RYR3: variants seen among roughly 807,000 people sequenced by gnomAD.
The protein encoded by RYR3 is brain ryanodine receptor-calcium release channel.
RYR3 carries 207 observed loss-of-function variants against 584.3 expected under a neutral mutation model. The ratio of observed to expected loss-of-function variants is 0.35; its 90% CI spans 0.32 to 0.40. RYR3 has a LOEUF of 0.40. RYR3 is among the 10% of genes least tolerant of loss of function. RYR3 has a pLI of 1.00. For missense variants in RYR3, 5,616 were observed against 6,089.2 expected (o/e 0.92, Z 2.59); for synonymous variants, 2,416 against 2,248.5 (o/e 1.07, Z -2.11).
chr15:33,531,327 T>A (rs943729157), intron 4 of RYR3, among the ~76,000 whole-genome samples: 1 of 151,944 alleles, frequency 6.6e-6, no homozygotes, highest in African/African-American at 2.4e-5. Context: ...TATTTATAAT[T>A]TATAAAAAAA....
At chr15:33,382,319 CTTTTTT>C (rs34767570) in intron 1 of RYR3, among the ~76,000 whole-genome samples, 12,308 of 104,728 alleles carry the variant, frequency 0.12, 506 homozygotes, top group Middle Eastern at 0.19. Context: ...TTAAAAGTGG[CTTTTTT>C]TTTTTTTTTT....
intron 32 of RYR3, among the ~76,000 whole-genome samples, chr15:33,653,986 A>T (rs2062662151): frequency 6.6e-6 from 1 of 152,182 alleles, no homozygotes; most frequent in Non-Finnish European, 1.5e-5. Context: ...TTTTAATTTT[A>T]AGAATCAATA....
intron 46 of RYR3, 88 bp from the exon 47 acceptor site, chr15:33,728,769 A>G (rs1225772049): frequency 6.2e-6 from 8 of 1,282,540 alleles, no homozygotes; most frequent in Non-Finnish European, 8.4e-6. Context: ...TTATAGGGAG[A>G]ATAAGCTATA....
At chr15:33,734,012 G>GT (rs1402983555) in intron 48 of RYR3, among the ~76,000 whole-genome samples, 6 of 152,166 alleles carry the variant, frequency 3.9e-5, no homozygotes, top group African/African-American at 1.4e-4. Flanking sequence ...AAATTAAGCT[G>GT]TATCTACTGT....
chr15:33,553,814 C>G (rs1344158105), intron 10 of RYR3, among the ~76,000 whole-genome samples: 1 of 152,158 alleles, frequency 6.6e-6, no homozygotes, highest in Non-Finnish European at 1.5e-5. Flanking sequence ...TCTGTGAGAC[C>G]TGGAACACAA....
At chr15:33,667,795 G>A (rs1344856728) in intron 36 of RYR3, among the ~76,000 whole-genome samples, 1 of 152,118 alleles carries the variant, frequency 6.6e-6, no homozygotes, top group African/African-American at 2.4e-5. Flanking sequence ...CCGGCGCGGT[G>A]GCTCATGCCT....
Position 33,707,020 on chromosome 15 carries a change from C to T in RYR3, c.6585C>T (p.Tyr2195=), listed in dbSNP as rs1203695632. The change falls in exon 43 of 104, where the codon TAC becomes TAT. Residue 2195 remains tyrosine, a synonymous_variant. Transcript: ENST00000634891. ...GGAACCCCATTGAAGGGGAACGCTA[C>T]CTGTCCTTCCTGAGGTTTGCTGTCT... ...VGWNPIEGER[Y]LSFLRFAVFV... is the part of the protein sequence containing the mutation. 6.2e-7 allele frequency: 1 copy of T among 1,613,882 alleles called. No individual in the cohort carries two copies. The highest frequency in any genetic ancestry group is 1.3e-5 in the African/African-American group (1 of 74,932).
chr15:33,813,021 G>A, intron 73 of RYR3, 27 bp downstream of exon 73: 1 of 1,613,526 alleles, frequency 6.2e-7, no homozygotes, highest in Non-Finnish European at 8.5e-7. Context: ...CTGAGGAATG[G>A]GGAAGCAGAA....
At chr15:33,722,497 G>A (rs1375276889) in intron 43 of RYR3, 1 of 556,614 alleles carries the variant, frequency 1.8e-6, no homozygotes, top group Non-Finnish European at 3.1e-6. Flanking sequence ...GATGAGGCTG[G>A]TTCAAGTGCA....
intron 99 of RYR3, chr15:33,859,217 G>T (rs1567349159): frequency 5.0e-6 from 1 of 200,566 alleles, no homozygotes; most frequent in East Asian, 1.2e-4. Context: ...GCAGTTTATA[G>T]CACAGCCTGA....
chr15:33,379,284 A>G (rs999906800), intron 1 of RYR3, among the ~76,000 whole-genome samples: 2 of 152,230 alleles, frequency 1.3e-5, no homozygotes, highest in Non-Finnish European at 2.9e-5. Flanking sequence ...AAAAAAGAAT[A>G]GAAGCGACAC....
chr15:33,614,672 T>G (rs2060362218), intron 19 of RYR3, among the ~76,000 whole-genome samples: 1 of 152,124 alleles, frequency 6.6e-6, no homozygotes, highest in Admixed American at 6.5e-5. Context: ...TGACTTTATA[T>G]AGTATATGTA....
rs374701627 is a variant in RYR3, at chr15:33,821,529, T to C, written c.10922T>C (p.Met3641Thr). ...LQMISASKGE[M>T]SPMVVETLKL... Reference sequence around the variant, plus strand: ...CGAATCTTCACCATGGCAGGTGAGATGAGCCCCATGGTGGTTGAGACGCTG... The same window carrying C: ...CGAATCTTCACCATGGCAGGTGAGACGAGCCCCATGGTGGTTGAGACGCTG... Residue 3641 changes from methionine (M) to threonine (T), a missense_variant, in exon 80 of 104, where the codon ATG becomes ACG. This residue lies in a region of RYR3 where 954 missense variants were observed against 1,132.2 expected (regional missense o/e 0.84). Transcript: ENST00000634891. 4.3e-6 allele frequency: 7 copies of C among 1,612,918 alleles called. No individual in the cohort carries two copies. Among genetic ancestry groups the C allele is most frequent in the Middle Eastern group, 1.6e-4 (1 of 6,080 alleles).
At chr15:33,468,922 G>A (rs776539961) in intron 1 of RYR3, among the ~76,000 whole-genome samples, 1 of 152,172 alleles carries the variant, frequency 6.6e-6, no homozygotes, top group African/African-American at 2.4e-5. Context: ...GGCAAGTTAC[G>A]TAACTGCTCT....
chr15:33,584,248 G>A (rs10431811), intron 14 of RYR3, 147 bp from the exon 15 acceptor site: 240,624 of 532,896 alleles, frequency 0.45, 55,195 homozygotes, highest in East Asian at 0.57. Context: ...AAAAAAGAAA[G>A]AATTGTGTCA....
At chr15:33,563,182 G>A (rs2057505983) in intron 11 of RYR3, among the ~76,000 whole-genome samples, 172 bp downstream of exon 11, 1 of 152,108 alleles carries the variant, frequency 6.6e-6, no homozygotes, top group Non-Finnish European at 1.5e-5. Context: ...AGCCTAATTT[G>A]GATACTTTGA....
At chr15:33,690,037 T>G (rs2065301593) in intron 38 of RYR3, among the ~76,000 whole-genome samples, 1 of 152,234 alleles carries the variant, frequency 6.6e-6, no homozygotes, top group African/African-American at 2.4e-5. Flanking sequence ...ACTTGTGAAT[T>G]GGTGTACGTC....
In RYR3 at chr15:33,635,622, G is replaced by A. The variant is rs1363829956; in HGVS notation, c.3184G>A (p.Ala1062Thr). Residue 1062 changes from alanine (A) to threonine (T), a missense_variant, in exon 26 of 104, where the codon GCT becomes ACT. This residue lies in a region of RYR3 where 1,284 missense variants were observed against 1,344.6 expected (regional missense o/e 0.95). Coordinates refer to ENST00000634891, the MANE Select transcript of RYR3 (RefSeq NM_001036.6). ...CTTTCTTCTCACAATAGCTGACTCG[G>A]CTGTGGAGAAGGTCAGCATAGACAA... ...EPSDQELADS[A>T]VEKVSIDKIR... 6.2e-7 allele frequency: 1 copy of A among 1,613,418 alleles called. No individual in the cohort carries two copies. The highest frequency in any genetic ancestry group is 8.5e-7 in the Non-Finnish European group (1 of 1,179,600).
intron 36 of RYR3, among the ~76,000 whole-genome samples, chr15:33,665,309 G>T (rs1318040092): frequency 6.6e-6 from 1 of 152,160 alleles, no homozygotes; most frequent in Non-Finnish European, 1.5e-5. Context: ...GCAAAATGTG[G>T]ATAATTTTTG....
Sources: allele counts gnomAD v4.1 joint callset (sites outside exome capture counted in the v4.1 genomes callset), GRCh38; gene constraint gnomAD v4.1.1; regional missense constraint gnomAD v4.1.1; transcripts MANE v1.5; gene names NCBI Gene and HGNC (gene_info 2026-07-23, HGNC 2026-07-21).